The following GPC4 variants were observed in gnomAD, a reference collection of about 807,000 sequenced individuals.
GPC4 encodes glypican-4.
Under a neutral mutation model 35.0 loss-of-function variants are expected in GPC4, and 10 were observed. The observed-to-expected ratio is 0.29, with a 90% CI of 0.18 to 0.48. GPC4 has a LOEUF of 0.48. Ranked by LOEUF, GPC4 falls within the 20% of genes least tolerant of loss-of-function variation. The pLI, the probability that GPC4 is intolerant of heterozygous loss-of-function variation, is 0.99. For synonymous variants in GPC4, 167 were observed against 170.2 expected (o/e 0.98, Z 0.15); for missense variants, 322 against 451.3 (o/e 0.71, Z 2.60).
chrX:133,380,722 G>A (rs1452397923), intron 1 of GPC4, among the ~76,000 whole-genome samples: 2 of 111,353 alleles, frequency 1.8e-5, no homozygotes, highest in Admixed American at 9.6e-5. Flanking sequence ...TCTTTAACAC[G>A]ACTGAAAGCT....
chrX:133,385,296 T>C (rs1021596761), intron 1 of GPC4, among the ~76,000 whole-genome samples: 1 of 111,777 alleles, frequency 8.9e-6, no homozygotes, highest in Non-Finnish European at 1.9e-5. Context: ...GTTGTCAGGT[T>C]GGGGGACATG....
chrX:133,405,046 T>A, intron 1 of GPC4, among the ~76,000 whole-genome samples: 1 of 110,326 alleles, frequency 9.1e-6, no homozygotes, highest in Middle Eastern at 4.7e-3. Flanking sequence ...AATGTGTAAG[T>A]TAACTAAATT....
chrX:133,364,311 T>G (rs2068581147), intron 1 of GPC4, among the ~76,000 whole-genome samples: 1 of 111,586 alleles, frequency 9.0e-6, no homozygotes, highest in Non-Finnish European at 1.9e-5. Flanking sequence ...TGGAATTGCT[T>G]GGTCATACGG....
At chrX:133,354,131 C>T (rs1277337595) in intron 1 of GPC4, among the ~76,000 whole-genome samples, 1 of 111,909 alleles carries the variant, frequency 8.9e-6, no homozygotes, top group Non-Finnish European at 1.9e-5. Context: ...AGCCCCTCTC[C>T]TTGAGGATGT....
chrX:133,331,874 T>C (rs1425599132), intron 2 of GPC4, among the ~76,000 whole-genome samples: 1 of 111,498 alleles, frequency 9.0e-6, no homozygotes, highest in Non-Finnish European at 1.9e-5. Context: ...AGAGTGACGG[T>C]TGGGTGCTGG....
intron 1 of GPC4, among the ~76,000 whole-genome samples, chrX:133,365,853 T>A (rs2124155260): frequency 8.9e-6 from 1 of 112,739 alleles, no homozygotes; most frequent in Non-Finnish European, 1.9e-5. Flanking sequence ...CTTTCCTAAA[T>A]AGTTACAGTT....
chrX:133,415,193 A>G lies in GPC4; in HGVS notation c.-228T>C, dbSNP rs2068833259. ...GGTGCCAGGCGCCGGGCCAGGGGAG[A>G]AGGAGGGCGTGGAGGCGGCGCGCGG... On this transcript the variant is annotated 5_prime_UTR_variant, in exon 1 of 9. Coordinates refer to ENST00000370828, the MANE Select transcript of GPC4 (RefSeq NM_001448.3). The G allele has an allele frequency of 5.2e-6, 2 of 382,432 alleles. No homozygotes were observed. The highest frequency in any genetic ancestry group is 8.8e-5 in the East Asian group (2 of 22,730). 31.5% of individuals were successfully genotyped at this position (382,432 alleles called of 1,213,427 possible).
At chrX:133,404,975 C>T (rs745806189) in intron 1 of GPC4, among the ~76,000 whole-genome samples, 1 of 110,400 alleles carries the variant, frequency 9.1e-6, no homozygotes, top group South Asian at 3.8e-4. Context: ...GACAAAGTGA[C>T]ACGTAGATTG....
chrX:133,407,074 C>T (rs2068791672), intron 1 of GPC4, among the ~76,000 whole-genome samples: 1 of 72,717 alleles, frequency 1.4e-5, no homozygotes, highest in South Asian at 7.3e-4. Context: ...AAGACTCCAT[C>T]TCAAAAAAAA....
intron 1 of GPC4, among the ~76,000 whole-genome samples, chrX:133,341,767 T>C (rs1175651763): frequency 9.0e-6 from 1 of 110,961 alleles, no homozygotes; most frequent in Non-Finnish European, 1.9e-5. Flanking sequence ...TTTTCTCTGT[T>C]GAAGAAGGTG....
At chrX:133,333,017 C>T (rs2068427644) in intron 2 of GPC4, among the ~76,000 whole-genome samples, 1 of 112,308 alleles carries the variant, frequency 8.9e-6, no homozygotes, top group African/African-American at 3.2e-5. Flanking sequence ...GTTTCCATTG[C>T]TCTGCTAATT....
intron 3 of GPC4, among the ~76,000 whole-genome samples, chrX:133,320,256 G>A (rs2068357796): frequency 9.0e-6 from 1 of 111,465 alleles, no homozygotes; most frequent in East Asian, 2.8e-4. Flanking sequence ...TATCTCTTAG[G>A]CTAACATGAG....
intron 3 of GPC4, among the ~76,000 whole-genome samples, chrX:133,316,761 T>C (rs1460677753): frequency 1.8e-5 from 2 of 111,848 alleles, no homozygotes; most frequent in East Asian, 5.6e-4. Flanking sequence ...TGAATATATG[T>C]GTATTACTCA....
chrX:133,377,754 C>T (rs1301268551), intron 1 of GPC4, among the ~76,000 whole-genome samples: 2 of 110,650 alleles, frequency 1.8e-5, no homozygotes, highest in Admixed American at 9.6e-5. Flanking sequence ...GGAACCTGTC[C>T]AAGTTCAGAG....
chrX:133,360,701 G>A (rs1432434833), intron 1 of GPC4, among the ~76,000 whole-genome samples: 1 of 111,807 alleles, frequency 8.9e-6, no homozygotes, highest in Non-Finnish European at 1.9e-5. Flanking sequence ...GTTCTGCACT[G>A]GGTTAAAAAG....
intron 4 of GPC4, among the ~76,000 whole-genome samples, chrX:133,306,662 G>A (rs183117973): frequency 1.8e-5 from 2 of 112,093 alleles, no homozygotes; most frequent in Admixed American, 9.4e-5. Flanking sequence ...TGAGTGCACC[G>A]TTGGATAATA....
intron 3 of GPC4, among the ~76,000 whole-genome samples, chrX:133,312,653 G>GGCA (rs2068320726): frequency 1.3e-5 from 1 of 78,369 alleles, no homozygotes; most frequent in East Asian, 4.0e-4. Flanking sequence ...AAGGAAGAAA[G>GGCA]GAAGAAGGAA....
intron 1 of GPC4, among the ~76,000 whole-genome samples, chrX:133,345,089 G>T (rs1025044348): frequency 8.9e-6 from 1 of 111,863 alleles, no homozygotes; most frequent in Non-Finnish European, 1.9e-5. Flanking sequence ...AATTTAAAAG[G>T]TTCCAAATAT....
intron 1 of GPC4, among the ~76,000 whole-genome samples, chrX:133,394,281 T>A (rs887372671): frequency 6.4e-5 from 7 of 109,891 alleles, no homozygotes; most frequent in African/African-American, 2.3e-4. Context: ...AAAAAAAATA[T>A]ATATATATAT....
Sources: allele counts gnomAD v4.1 joint callset (sites outside exome capture counted in the v4.1 genomes callset), GRCh38; gene constraint gnomAD v4.1.1; transcripts MANE v1.5; gene names NCBI Gene and HGNC (gene_info 2026-07-23, HGNC 2026-07-21).